TASP1: variants seen among roughly 807,000 people sequenced by gnomAD.
The protein encoded by TASP1 is threonine aspartase 1.
A neutral mutation model predicts 56.6 loss-of-function variants in TASP1; 16 were observed. The ratio of observed to expected loss-of-function variants is 0.28; its 90% CI spans 0.19 to 0.43. The LOEUF (loss-of-function observed/expected upper bound fraction) is 0.43, where lower values mean the gene tolerates loss of function less well. TASP1 is among the 20% of genes least tolerant of loss of function. The pLI, the probability that TASP1 is intolerant of heterozygous loss-of-function variation, is 1.00. For synonymous variants in TASP1, 179 were observed against 184.2 expected (o/e 0.97, Z 0.23); for missense variants, 393 against 511.6 (o/e 0.77, Z 2.24).
the TASP1 span, among the ~76,000 whole-genome samples, chr20:13,263,468 T>G: frequency 6.6e-6 from 1 of 152,338 alleles, no homozygotes; most frequent in South Asian, 2.1e-4. Context: ...CCTGGTTTTC[T>G]CATCTTAGGA....
At chr20:13,613,702 T>C (rs111367346) in intron 4 of TASP1, among the ~76,000 whole-genome samples, 10 of 152,164 alleles carry the variant, frequency 6.6e-5, no homozygotes, top group African/African-American at 2.4e-4. Context: ...TATATTATTA[T>C]GTTTGAGGCT....
At chr20:13,532,338 T>A (rs1002756179) in intron 9 of TASP1, among the ~76,000 whole-genome samples, 1 of 152,202 alleles carries the variant, frequency 6.6e-6, no homozygotes, top group Non-Finnish European at 1.5e-5. Context: ...TAAAAAATAA[T>A]TAGCCTTTGA....
At chr20:13,390,955 G>A (rs1282986698) in intron 13 of TASP1, among the ~76,000 whole-genome samples, 2 of 152,154 alleles carry the variant, frequency 1.3e-5, no homozygotes, top group Admixed American at 6.5e-5. Flanking sequence ...GAGAGGAAAT[G>A]AGAAGAAAAA....
At chr20:13,459,068 T>A (rs1380325569) in intron 11 of TASP1, among the ~76,000 whole-genome samples, 1 of 152,138 alleles carries the variant, frequency 6.6e-6, no homozygotes, top group Non-Finnish European at 1.5e-5. Context: ...CCACTCTCCA[T>A]CACCCCTCAA....
At chr20:13,534,265 T>C (rs1009729224) in intron 8 of TASP1, 124 bp from the exon 9 acceptor site, 69 of 1,163,738 alleles carry the variant, frequency 5.9e-5, no homozygotes, top group African/African-American at 9.3e-5. Flanking sequence ...AAGTGGAACA[T>C]TGAGCAATCT....
the TASP1 span, among the ~76,000 whole-genome samples, chr20:13,162,687 A>G: frequency 6.6e-6 from 1 of 152,188 alleles, no homozygotes; most frequent in Non-Finnish European, 1.5e-5. Context: ...TCATTCACCA[A>G]TAACAACTCT....
chr20:13,339,007 A>G, the TASP1 span, among the ~76,000 whole-genome samples: 271 of 152,314 alleles, frequency 1.8e-3, no homozygotes, highest in African/African-American at 6.1e-3. Context: ...AAATACCTGC[A>G]GTCTCTAATC....
At chr20:13,351,860 A>G in the TASP1 span, among the ~76,000 whole-genome samples, 3 of 152,218 alleles carry the variant, frequency 2.0e-5, no homozygotes, top group African/African-American at 7.2e-5. Flanking sequence ...GATGATGGAA[A>G]TGTTCCATAT....
At chr20:13,597,675 T>C (rs1296357332) in intron 4 of TASP1, among the ~76,000 whole-genome samples, 1 of 152,206 alleles carries the variant, frequency 6.6e-6, no homozygotes, top group African/African-American at 2.4e-5. Context: ...TTGGAAGTTC[T>C]GGCCAGAGCA....
chr20:13,383,657 G>A, the TASP1 span, among the ~76,000 whole-genome samples: 1 of 152,216 alleles, frequency 6.6e-6, no homozygotes. Flanking sequence ...GAAAGATGCT[G>A]TAGAGAGGCT....
rs75619529 is a variant in TASP1, at chr20:13,571,212, T to C, written c.489-1626A>G. Among the ~76,000 whole-genome samples the C allele has an allele frequency of 7.9e-3, 1,206 of 152,340 alleles. 13 individuals are homozygous for C. The highest frequency in any genetic ancestry group is 0.017 in the Middle Eastern group (5 of 294). ...AGGCAAATAGTTGGATGTCATCTTA[T>C]GGATAAGGATACTAACTATCTACCC... On this transcript the variant is annotated intron_variant, in intron 6 of 13. Transcript: ENST00000337743.
chr20:13,514,305 TTC>T (rs1379541628), intron 10 of TASP1, among the ~76,000 whole-genome samples: 2 of 152,034 alleles, frequency 1.3e-5, no homozygotes, highest in African/African-American at 4.8e-5. Flanking sequence ...CAGTAAAACA[TTC>T]TAGGGCTGGG....
At chr20:13,605,821 C>G (rs550480310) in intron 4 of TASP1, among the ~76,000 whole-genome samples, 1 of 152,276 alleles carries the variant, frequency 6.6e-6, no homozygotes, top group South Asian at 2.1e-4. Flanking sequence ...TAAAATCTGT[C>G]AGACTCTGTC....
the TASP1 span, among the ~76,000 whole-genome samples, chr20:13,133,442 C>A: frequency 6.6e-6 from 1 of 152,060 alleles, no homozygotes; most frequent in Non-Finnish European, 1.5e-5. Context: ...ACCATTAAAT[C>A]TCCATAACAG....
chr20:13,362,525 A>C, the TASP1 span, among the ~76,000 whole-genome samples: 1 of 142,646 alleles, frequency 7.0e-6, no homozygotes, highest in Non-Finnish European at 1.5e-5. Context: ...ATCCCCTTTG[A>C]CTGTAATTTT....
intron 12 of TASP1, among the ~76,000 whole-genome samples, chr20:13,434,171 A>G (rs77533447): frequency 0.011 from 1,609 of 152,156 alleles, 32 homozygotes; most frequent in African/African-American, 0.036. Context: ...CATGCTGGTT[A>G]TAGGGGGTGG....
the TASP1 span, chr20:13,298,909 G>A: frequency 2.5e-6 from 4 of 1,604,430 alleles, no homozygotes; most frequent in African/African-American, 1.3e-5. Context: ...GGTTGTACAC[G>A]CGGTGAGAGG....
rs117855991 is a variant in TASP1 at position 13,445,332 on chromosome 20, T to A, written c.986-10178A>T. Among the ~76,000 whole-genome samples, 492 of 152,290 alleles carry A rather than the reference T, an allele frequency of 3.2e-3. 2 individuals are homozygous for A. Among genetic ancestry groups the A allele is most frequent in the East Asian group, 0.011 (58 of 5,182 alleles). ...AGATTTCTTTGTTGCTTTTAAAAAG[T>A]TTAACACAGGGAGCTGTCCTCAAGG... On this transcript the variant is annotated intron_variant, in intron 11 of 13. Coordinates refer to ENST00000337743, the MANE Select transcript of TASP1 (RefSeq NM_017714.3).
At chr20:13,439,682 G>C (rs983613769) in intron 11 of TASP1, among the ~76,000 whole-genome samples, 12 of 151,688 alleles carry the variant, frequency 7.9e-5, no homozygotes, top group African/African-American at 2.9e-4. Context: ...AAACAAAAGA[G>C]TAACACAGGG....
Sources: gnomAD v4.1 joint callset for allele counts (sites outside exome capture counted in the v4.1 genomes callset) on GRCh38, gnomAD v4.1.1 for gene constraint, MANE v1.5 for transcripts, NCBI Gene and HGNC (gene_info 2026-07-23, HGNC 2026-07-21) for gene names.